The following MYO3B variants were observed in gnomAD, a reference collection of about 807,000 sequenced individuals.
MYO3B encodes myosin-IIIb.
A neutral mutation model predicts 174.6 loss-of-function variants in MYO3B; 156 were observed. The ratio of observed to expected loss-of-function variants is 0.89; its 90% CI spans 0.78 to 1.02. MYO3B has a LOEUF of 1.02. Among genes scored for constraint, MYO3B ranks in the 50% least tolerant of loss-of-function variants. The pLI is 0.00. For synonymous variants in MYO3B, 563 were observed against 569.1 expected, an observed-to-expected ratio of 0.99 and a Z score of 0.15; for missense variants, 1,632 against 1,639.4, an observed-to-expected ratio of 1.00 and a Z score of 0.08.
At chr2:170,467,935 C>A (rs1575028196) in intron 25 of MYO3B, among the ~76,000 whole-genome samples, 1 of 145,916 alleles carries the variant, frequency 6.9e-6, no homozygotes, top group Admixed American at 6.9e-5. Flanking sequence ...GGAAGTGGAA[C>A]AAGAAAAAAA....
At position 170,236,078 on chromosome 2, in the gene MYO3B, G is replaced by A. The variant is rs774250061; in HGVS notation, c.691G>A (p.Asp231Asn). 1 of 1,614,078 alleles carries A rather than the reference G, an allele frequency of 6.2e-7. No homozygotes were observed. Among genetic ancestry groups the A allele is most frequent in the Non-Finnish European group, 8.5e-7 (1 of 1,180,008 alleles). Residue 231 changes from aspartate (D) to asparagine (N), a missense_variant, in exon 7 of 35, where the codon GAT becomes AAT. Physicochemically the swap from Asp to Asn is conservative, Grantham distance 23 (BLOSUM62 1). Transcript: ENST00000408978. ...SLGITAIELG[D>N]GDPPLFDMHP... ...GGGGATCACAGCTATTGAACTGGGG[G>A]ATGGAGACCCTCCCCTCTTTGACAT... is the stretch of plus-strand genomic sequence containing the variant.
At chr2:170,384,044 C>T in intron 12 of MYO3B, 5 of 424,804 alleles carry the variant, frequency 1.2e-5, no homozygotes, top group Non-Finnish European at 1.3e-5. Context: ...ATGAGGTGCG[C>T]TCATTTTCTC....
At chr2:170,578,758 G>A (rs1428025681) in intron 32 of MYO3B, among the ~76,000 whole-genome samples, 2 of 152,216 alleles carry the variant, frequency 1.3e-5, no homozygotes, top group Admixed American at 1.3e-4. Context: ...TGTGGTCTAA[G>A]TGAACGGACG....
chr2:170,436,658 GA>G (rs1302520738), intron 22 of MYO3B, among the ~76,000 whole-genome samples: 1 of 152,156 alleles, frequency 6.6e-6, no homozygotes, highest in African/African-American at 2.4e-5. Context: ...TTTTGCTACA[GA>G]ATCAAATGAC....
At chr2:170,247,672 TG>T (rs2093206616) in intron 7 of MYO3B, among the ~76,000 whole-genome samples, 1 of 152,182 alleles carries the variant, frequency 6.6e-6, no homozygotes, top group African/African-American at 2.4e-5. Flanking sequence ...TGGTGTCTGA[TG>T]AGGGCTCACT....
intron 7 of MYO3B, among the ~76,000 whole-genome samples, chr2:170,326,323 AT>A (rs35451844): frequency 2.5e-3 from 381 of 152,310 alleles, no homozygotes; most frequent in African/African-American, 8.9e-3. Context: ...TAAAATAATA[AT>A]TTTTTTAAAA....
chr2:170,288,405 C>T (rs188592188), intron 7 of MYO3B, among the ~76,000 whole-genome samples: 1 of 151,944 alleles, frequency 6.6e-6, no homozygotes, highest in East Asian at 1.9e-4. Context: ...TTTCTTTCAT[C>T]CAAGTTTTAT....
chr2:170,466,248 C>T (rs1559028969), intron 24 of MYO3B, among the ~76,000 whole-genome samples: 1 of 151,738 alleles, frequency 6.6e-6, no homozygotes, highest in East Asian at 1.9e-4. Context: ...ACAGGATAAC[C>T]TAGATAGAGC....
chr2:170,644,973 T>G (rs1050261429), intron 32 of MYO3B, among the ~76,000 whole-genome samples: 3 of 152,124 alleles, frequency 2.0e-5, no homozygotes, highest in African/African-American at 7.2e-5. Context: ...GGTGCAAAGA[T>G]TCTTGAAAAG....
chr2:170,326,459 C>G (rs2093868458), intron 7 of MYO3B, among the ~76,000 whole-genome samples: 1 of 152,218 alleles, frequency 6.6e-6, no homozygotes, highest in Admixed American at 6.5e-5. Context: ...CCCTGACACA[C>G]TGGACAATAA....
chr2:170,519,834 AT>A (rs928226553), intron 30 of MYO3B: 17 of 278,278 alleles, frequency 6.1e-5, no homozygotes, highest in Non-Finnish European at 8.3e-5. Flanking sequence ...TGAGCTGGCC[AT>A]GGTGGCATGT....
chr2:170,428,078 A>G (rs1489268154), intron 22 of MYO3B, among the ~76,000 whole-genome samples: 2 of 152,238 alleles, frequency 1.3e-5, no homozygotes, highest in Admixed American at 6.5e-5. Context: ...CTCACGTGCT[A>G]AGAAACAAGA....
At chr2:170,497,720 A>G (rs1239729205) in intron 25 of MYO3B, among the ~76,000 whole-genome samples, 1 of 152,030 alleles carries the variant, frequency 6.6e-6, no homozygotes, top group Non-Finnish European at 1.5e-5. Flanking sequence ...ATTGGTACGC[A>G]TTTCTCTTGT....
intron 32 of MYO3B, among the ~76,000 whole-genome samples, chr2:170,590,739 G>A (rs1226224802): frequency 6.6e-6 from 1 of 152,100 alleles, no homozygotes; most frequent in African/African-American, 2.4e-5. Context: ...CTGCTGCAGA[G>A]AAACCCAAAA....
intron 32 of MYO3B, among the ~76,000 whole-genome samples, chr2:170,632,746 TAAAG>T (rs1360737714): frequency 2.6e-5 from 4 of 151,794 alleles, no homozygotes; most frequent in Non-Finnish European, 5.9e-5. Context: ...GCAAGACTAA[TAAAG>T]AAGAAAAGAG....
intron 28 of MYO3B, among the ~76,000 whole-genome samples, chr2:170,504,467 CT>C (rs1687494526): frequency 6.6e-6 from 1 of 152,204 alleles, no homozygotes; most frequent in South Asian, 2.1e-4. Context: ...CGGCTTATCC[CT>C]TTAGCTTCCT....
chr2:170,243,130 C>G (rs1250405932), intron 7 of MYO3B, among the ~76,000 whole-genome samples: 1 of 152,206 alleles, frequency 6.6e-6, no homozygotes, highest in African/African-American at 2.4e-5. Context: ...TATCAGTTAA[C>G]TACTAGTATG....
At chr2:170,299,915 T>A (rs1277910672) in intron 7 of MYO3B, among the ~76,000 whole-genome samples, 1 of 152,230 alleles carries the variant, frequency 6.6e-6, no homozygotes, top group Admixed American at 6.5e-5. Flanking sequence ...TTAGAAAGCA[T>A]TCATGTTTAC....
intron 32 of MYO3B, among the ~76,000 whole-genome samples, chr2:170,602,507 A>G (rs1694576231): frequency 6.6e-6 from 1 of 152,184 alleles, no homozygotes; most frequent in Admixed American, 6.5e-5. Context: ...ATCACTGTTA[A>G]TAGGATTTGT....
Sources: gnomAD v4.1 joint callset for allele counts (sites outside exome capture counted in the v4.1 genomes callset) on GRCh38, gnomAD v4.1.1 for gene constraint, MANE v1.5 for transcripts, NCBI Gene and HGNC (gene_info 2026-07-23, HGNC 2026-07-21) for gene names.